The following ACOT7 variants were observed in gnomAD, a reference collection of about 807,000 sequenced individuals.
ACOT7 encodes the protein cytosolic acyl coenzyme A thioester hydrolase.
In ACOT7, 12 loss-of-function variants were observed where a neutral mutation model predicts 40.2. The observed-to-expected ratio is 0.30, with a 90% CI of 0.19 to 0.48. The LOEUF (loss-of-function observed/expected upper bound fraction) is 0.48, where lower values mean the gene tolerates loss of function less well. Among genes scored for constraint, ACOT7 ranks in the 20% least tolerant of loss-of-function variants. The probability of loss-of-function intolerance (pLI) is 0.99; values close to 1 mark genes in which losing one functional copy is unlikely to be tolerated. For missense variants in ACOT7, 395 were observed against 530.8 expected, an observed-to-expected ratio of 0.74 and a Z score of 2.51; for synonymous variants, 228 against 219.5, an observed-to-expected ratio of 1.04 and a Z score of -0.34.
intron 2 of ACOT7, among the ~76,000 whole-genome samples, chr1:6,343,583 C>A (rs1557660073): frequency 6.6e-6 from 1 of 152,262 alleles, no homozygotes; most frequent in Non-Finnish European, 1.5e-5. Context: ...TCTTTCACCC[C>A]CAAGTCAATG....
intron 1 of ACOT7, among the ~76,000 whole-genome samples, chr1:6,390,933 C>CAAAAACAAACAA (rs1642523148): frequency 6.6e-6 from 1 of 151,672 alleles, no homozygotes; most frequent in Non-Finnish European, 1.5e-5. Flanking sequence ...GAGACTGTCT[C>CAAAAACAAACAA]AAAAACAAAC....
chr1:6,306,726 C>T lies in ACOT7; in HGVS notation c.713-11746G>A. 1 of 1,233,486 alleles carries T rather than the reference C, an allele frequency of 8.1e-7. No homozygotes were observed. Among genetic ancestry groups the T allele is most frequent in the Non-Finnish European group, 1.0e-6 (1 of 957,704 alleles). The allele number at this position is 1,233,486 out of a possible 1,614,324, so 76.4% of individuals were successfully genotyped here. On this transcript the variant is annotated intron_variant, in intron 6 of 8. Coordinates refer to ENST00000361521, the MANE Select transcript of ACOT7 (RefSeq NM_007274.4). This position sits in a 1 kb window ranked among gnomAD's most constrained non-coding sequence, Gnocchi z 4.3. ...CCAGAAGTTCCTCAAGAGTAGGGAA[C>T]AGCTCTTCGTCCACCTTTTTCCTTC...
chr1:6,277,069 C>T (rs557947708), intron 8 of ACOT7, among the ~76,000 whole-genome samples: 212 of 152,300 alleles, frequency 1.4e-3, no homozygotes, highest in African/African-American at 3.2e-3. Context: ...GTCACAGGCG[C>T]GGCCCCAAAA....
chr1:6,310,702 AGGGCT>A (rs1472734701), intron 6 of ACOT7, among the ~76,000 whole-genome samples: 2 of 152,144 alleles, frequency 1.3e-5, no homozygotes, highest in African/African-American at 2.4e-5. Context: ...CTCCAGGAGA[AGGGCT>A]GGGGAATCTG....
At chr1:6,385,473 A>G (rs1403810004) in intron 1 of ACOT7, 3 of 1,601,328 alleles carry the variant, frequency 1.9e-6, no homozygotes, top group East Asian at 2.2e-5. Context: ...CATGGGCACA[A>G]AATATTCCCA....
In ACOT7 at chr1:6,352,789, T is replaced by C. The variant is rs1641631288; in HGVS notation, c.144-2923A>G. Among the ~76,000 whole-genome samples, 1 of 151,956 alleles carries C rather than the reference T, an allele frequency of 6.6e-6. No individual in the cohort carries two copies. The highest frequency in any genetic ancestry group is 6.6e-5 in the Admixed American group (1 of 15,248). Reference sequence around the variant, plus strand: ...TAGTAGAGAAGGGGTTTCACCGTATTAGCCAGGATGGTCTTGATCTCCTGA... The same window carrying C: ...TAGTAGAGAAGGGGTTTCACCGTATCAGCCAGGATGGTCTTGATCTCCTGA... On this transcript the variant is annotated intron_variant, in intron 1 of 8. Transcript: ENST00000361521. The surrounding 1 kb of genome is among the most constrained non-coding windows in gnomAD (Gnocchi z 4.5).
At chr1:6,362,110 G>A (rs1641906176) in intron 1 of ACOT7, among the ~76,000 whole-genome samples, 1 of 152,260 alleles carries the variant, frequency 6.6e-6, no homozygotes. Flanking sequence ...GTTTTCTGCA[G>A]CTTTCAAAGG....
rs1290189100 is a variant in ACOT7, at chr1:6,358,934, C to T, written c.144-9068G>A. On this transcript the variant is annotated intron_variant, in intron 1 of 8. Transcript: ENST00000361521. This position sits in a 1 kb window ranked among gnomAD's most constrained non-coding sequence, Gnocchi z 4.1. ...GTCCTTGCCTGACCCAGGACTGTCC[C>T]AGCTCCCTGCCACACCGGGCTTGGT... 1 of 1,555,564 alleles carries T rather than the reference C, an allele frequency of 6.4e-7. No individual in the cohort carries two copies. The highest frequency in any genetic ancestry group is 8.7e-7 in the Non-Finnish European group (1 of 1,148,604).
chr1:6,335,407 C>T (rs896960244), intron 3 of ACOT7, among the ~76,000 whole-genome samples: 2 of 151,424 alleles, frequency 1.3e-5, no homozygotes, highest in African/African-American at 2.4e-5. Flanking sequence ...ATAGGAGGAT[C>T]GCTTGAGCCC....
chr1:6,285,498 G>A (rs1316217754), intron 7 of ACOT7, among the ~76,000 whole-genome samples: 3 of 152,212 alleles, frequency 2.0e-5, no homozygotes, highest in Non-Finnish European at 2.9e-5. Flanking sequence ...GACTGATTCC[G>A]CCCTTCCTGC....
At chr1:6,285,874 C>A (rs559824742) in intron 7 of ACOT7, among the ~76,000 whole-genome samples, 1 of 152,200 alleles carries the variant, frequency 6.6e-6, no homozygotes, top group Non-Finnish European at 1.5e-5. Flanking sequence ...AAGGGGGGTC[C>A]GCACCTGCCT....
chr1:6,379,953 C>T (rs768252382), intron 1 of ACOT7, among the ~76,000 whole-genome samples: 12 of 151,738 alleles, frequency 7.9e-5, no homozygotes, highest in Non-Finnish European at 1.3e-4. Flanking sequence ...GTAGTCCTAG[C>T]TCCTTGGGAA....
chr1:6,333,904 C>T (rs1478495933), intron 3 of ACOT7, among the ~76,000 whole-genome samples: 1 of 152,196 alleles, frequency 6.6e-6, no homozygotes, highest in Non-Finnish European at 1.5e-5. Context: ...CCCAACGCAC[C>T]CACTCTGGGG....
intron 1 of ACOT7, among the ~76,000 whole-genome samples, chr1:6,377,975 C>T (rs1021450310): frequency 6.6e-6 from 1 of 152,214 alleles, no homozygotes; most frequent in African/African-American, 2.4e-5. Context: ...GAGGCTGAGG[C>T]AGGTGAATGG....
At chr1:6,357,962 G>A (rs1641794237) in intron 1 of ACOT7, among the ~76,000 whole-genome samples, 1 of 151,910 alleles carries the variant, frequency 6.6e-6, no homozygotes, top group Admixed American at 6.6e-5. Flanking sequence ...CACCTCCCGG[G>A]TTCAAGTGAT....
At chr1:6,385,756 G>A in intron 1 of ACOT7, 1 of 1,489,392 alleles carries the variant, frequency 6.7e-7, no homozygotes, top group Non-Finnish European at 8.9e-7. Context: ...GCTCAGCAGT[G>A]AGCCGGTGTG....
intron 2 of ACOT7, among the ~76,000 whole-genome samples, chr1:6,342,882 C>A (rs1428933756): frequency 6.6e-6 from 1 of 152,252 alleles, no homozygotes; most frequent in Non-Finnish European, 1.5e-5. Flanking sequence ...GGCATCCTGA[C>A]CAACACTCAG....
chr1:6,326,931 CAAA>C (rs1163224507), intron 5 of ACOT7, among the ~76,000 whole-genome samples: 8 of 61,164 alleles, frequency 1.3e-4, no homozygotes, highest in Non-Finnish European at 1.1e-4. Context: ...GACTCCAACT[CAAA>C]AAAAAAAAAA....
At chr1:6,325,365 T>G (rs1002429915) in intron 5 of ACOT7, among the ~76,000 whole-genome samples, 14 of 149,858 alleles carry the variant, frequency 9.3e-5, no homozygotes, top group African/African-American at 2.5e-4. Flanking sequence ...GCCACTGCAC[T>G]CCAGCCAGGA....
Sources: allele counts gnomAD v4.1 joint callset (sites outside exome capture counted in the v4.1 genomes callset), GRCh38; gene constraint gnomAD v4.1.1; non-coding constraint Gnocchi (gnomAD v3.1); transcripts MANE v1.5; gene names NCBI Gene and HGNC (gene_info 2026-07-23, HGNC 2026-07-21).